The following ERBB4 variants were observed in gnomAD, a reference collection of about 807,000 sequenced individuals.
ERBB4 encodes erb-b2 receptor tyrosine kinase 4.
Under a neutral mutation model 158.0 loss-of-function variants are expected in ERBB4, and 42 were observed. The observed-to-expected ratio is 0.27, with a 90% CI of 0.21 to 0.34. The LOEUF is 0.34. Among genes scored for constraint, ERBB4 ranks in the 10% least tolerant of loss-of-function variants. ERBB4 has a pLI of 1.00. For synonymous variants in ERBB4, 583 were observed against 558.7 expected, an observed-to-expected ratio of 1.04 and a Z score of -0.61; for missense variants, 1,333 against 1,624.1, an observed-to-expected ratio of 0.82 and a Z score of 3.08.
At chr2:211,928,334 C>A (rs563355901) in intron 3 of ERBB4, among the ~76,000 whole-genome samples, 2 of 151,968 alleles carry the variant, frequency 1.3e-5, no homozygotes, top group East Asian at 3.9e-4. Context: ...CATCAACCCA[C>A]CCCCGTAACC....
chr2:212,308,671 G>A (rs1353856319), intron 1 of ERBB4, among the ~76,000 whole-genome samples: 1 of 150,948 alleles, frequency 6.6e-6, no homozygotes, highest in Non-Finnish European at 1.5e-5. Flanking sequence ...CTAGAAAAAA[G>A]GCTGTATGCC....
At chr2:212,204,084 G>A (rs971388321) in intron 1 of ERBB4, among the ~76,000 whole-genome samples, 3 of 152,024 alleles carry the variant, frequency 2.0e-5, no homozygotes, top group Non-Finnish European at 4.4e-5. Flanking sequence ...TATTGAATAT[G>A]GTAAGCTGTT....
chr2:212,072,853 T>G (rs2078163902), intron 2 of ERBB4, among the ~76,000 whole-genome samples: 1 of 151,948 alleles, frequency 6.6e-6, no homozygotes, highest in Non-Finnish European at 1.5e-5. Context: ...TGGGATTTAA[T>G]CAGATAATTA....
chr2:211,759,534 C>A (rs1027437906), intron 4 of ERBB4, among the ~76,000 whole-genome samples: 4 of 152,066 alleles, frequency 2.6e-5, no homozygotes, highest in Non-Finnish European at 5.9e-5. Context: ...CTAGGACATA[C>A]AAGGTTCACT....
At chr2:212,137,523 C>T (rs895167499) in intron 1 of ERBB4, among the ~76,000 whole-genome samples, 1 of 152,120 alleles carries the variant, frequency 6.6e-6, no homozygotes, top group Non-Finnish European at 1.5e-5. Flanking sequence ...TTTTTTGTAG[C>T]TGCATAGTAT....
chr2:212,371,292 T>C (rs2090076666), intron 1 of ERBB4, among the ~76,000 whole-genome samples: 2 of 152,230 alleles, frequency 1.3e-5, no homozygotes, highest in African/African-American at 4.8e-5. Flanking sequence ...TTATAACAAA[T>C]GGAATCTAAA....
intron 4 of ERBB4, among the ~76,000 whole-genome samples, chr2:211,762,579 G>T (rs1437126185): frequency 6.6e-6 from 1 of 152,140 alleles, no homozygotes; most frequent in East Asian, 1.9e-4. Context: ...CTGATGTGGG[G>T]GTCTCAGCCC....
chr2:211,861,060 T>TATAATATATTTATATATATTTATATATAC (rs2078013777), intron 3 of ERBB4, among the ~76,000 whole-genome samples: 1 of 40,566 alleles, frequency 2.5e-5, no homozygotes, highest in African/African-American at 7.8e-5. Flanking sequence ...TATATATATA[T>TATAATATATTTATATATATTTATATATAC]AAATATAATA....
chr2:212,431,306 TAAAAAAAAAAAAA>T (rs35419362), intron 1 of ERBB4, among the ~76,000 whole-genome samples: 1 of 86,886 alleles, frequency 1.2e-5, no homozygotes, highest in African/African-American at 4.3e-5. Flanking sequence ...CTGCTCATAT[TAAAAAAAAAAAAA>T]AAAAAAAAAA....
intron 25 of ERBB4, among the ~76,000 whole-genome samples, chr2:211,402,124 C>G (rs1431928269): frequency 6.6e-6 from 1 of 151,958 alleles, no homozygotes; most frequent in African/African-American, 2.4e-5. Flanking sequence ...CCCAAGCTCT[C>G]TTAGGAACCA....
intron 3 of ERBB4, among the ~76,000 whole-genome samples, chr2:211,802,357 A>G (rs770070617): frequency 2.0e-5 from 3 of 152,178 alleles, no homozygotes; most frequent in Non-Finnish European, 4.4e-5. Context: ...CCATTGTCAC[A>G]TACATATCTT....
intron 1 of ERBB4, among the ~76,000 whole-genome samples, chr2:212,300,805 C>G (rs1221916595): frequency 2.0e-5 from 3 of 151,388 alleles, no homozygotes; most frequent in Admixed American, 2.0e-4. Context: ...CTTGCGTAAA[C>G]GTATCCCTTT....
chr2:212,536,430 C>T (rs1190628714), intron 1 of ERBB4, among the ~76,000 whole-genome samples: 6 of 152,098 alleles, frequency 3.9e-5, no homozygotes, highest in Admixed American at 3.9e-4. Context: ...TTTGTGCGGC[C>T]CTTTCATCTG....
chr2:211,923,913 G>T (rs1476494428), intron 3 of ERBB4, among the ~76,000 whole-genome samples: 1 of 152,042 alleles, frequency 6.6e-6, no homozygotes, highest in East Asian at 1.9e-4. Context: ...GTAGAGACGG[G>T]GTTTCACCAT....
chr2:211,915,793 A>C (rs76399693), intron 3 of ERBB4, among the ~76,000 whole-genome samples: 14,765 of 151,864 alleles, frequency 0.097, 879 homozygotes, highest in Non-Finnish European at 0.11. Flanking sequence ...ATAAAATATA[A>C]ATAGTAATAA....
intron 1 of ERBB4, among the ~76,000 whole-genome samples, chr2:212,134,451 T>C (rs2080205562): frequency 6.6e-6 from 1 of 152,012 alleles, no homozygotes; most frequent in Non-Finnish European, 1.5e-5. Context: ...AAATTTCATA[T>C]TCTACATAAT....
intron 1 of ERBB4, among the ~76,000 whole-genome samples, chr2:212,194,594 T>A (rs376722570): frequency 1.3e-5 from 2 of 152,058 alleles, no homozygotes; most frequent in Non-Finnish European, 2.9e-5. Context: ...AATAATGCAC[T>A]AACCTATTCA....
intron 17 of ERBB4, among the ~76,000 whole-genome samples, chr2:211,625,790 TCA>T (rs1392994541): frequency 4.6e-5 from 7 of 152,204 alleles, no homozygotes; most frequent in Admixed American, 2.6e-4. Flanking sequence ...TTACATAAAA[TCA>T]CACAAAATAC....
At chr2:211,772,953 A>ATG (rs1279482810) in intron 4 of ERBB4, among the ~76,000 whole-genome samples, 5 of 77,108 alleles carry the variant, frequency 6.5e-5, no homozygotes, top group African/African-American at 3.0e-4. Context: ...ATATATATAT[A>ATG]TATTTTTTTT....
Sources: gnomAD v4.1 joint callset for allele counts (sites outside exome capture counted in the v4.1 genomes callset) on GRCh38, gnomAD v4.1.1 for gene constraint, MANE v1.5 for transcripts, NCBI Gene and HGNC (gene_info 2026-07-23, HGNC 2026-07-21) for gene names.